Variants in NRXN3 observed in about 807,000 individuals in gnomAD.
NRXN3 encodes the protein neurexin III.
NRXN3 carries 32 observed loss-of-function variants against 137.6 expected under a neutral mutation model. The ratio of observed to expected loss-of-function variants is 0.23; its 90% CI spans 0.18 to 0.31. The LOEUF is 0.31. NRXN3 is among the 10% of genes least tolerant of loss of function. The probability of loss-of-function intolerance (pLI) is 1.00; values close to 1 mark genes in which losing one functional copy is unlikely to be tolerated. For synonymous variants in NRXN3, 798 were observed against 784.5 expected, an observed-to-expected ratio of 1.02 and a Z score of -0.29; for missense variants, 1,574 against 2,062.5, an observed-to-expected ratio of 0.76 and a Z score of 4.59.
At chr14:78,250,460 T>G (rs973910360) in intron 2 of NRXN3, among the ~76,000 whole-genome samples, 2 of 152,196 alleles carry the variant, frequency 1.3e-5, no homozygotes, top group Admixed American at 1.3e-4. Context: ...TATCCCAGTC[T>G]GAAAGGTGGT....
At chr14:79,561,756 G>C (rs1287822569) in intron 16 of NRXN3, among the ~76,000 whole-genome samples, 2 of 151,954 alleles carry the variant, frequency 1.3e-5, no homozygotes, top group Non-Finnish European at 2.9e-5. Context: ...CGCATAATTA[G>C]ATTTAGTGAA....
At chr14:78,985,608 A>G (rs1410218213) in intron 14 of NRXN3, among the ~76,000 whole-genome samples, 1 of 151,970 alleles carries the variant, frequency 6.6e-6, no homozygotes, top group Non-Finnish European at 1.5e-5. Flanking sequence ...TTTAGATTCA[A>G]TCAACATTCA....
chr14:79,755,903 GCTTTA>G (rs2099017772), intron 19 of NRXN3, among the ~76,000 whole-genome samples: 1 of 152,036 alleles, frequency 6.6e-6, no homozygotes, highest in African/African-American at 2.4e-5. Context: ...TCACATTTAA[GCTTTA>G]CTTAACAGTG....
chr14:78,912,671 A>G (rs985959717), intron 10 of NRXN3, among the ~76,000 whole-genome samples: 1 of 152,176 alleles, frequency 6.6e-6, no homozygotes, highest in African/African-American at 2.4e-5. Context: ...TACATCCTCC[A>G]TAAATACATA....
At chr14:79,088,397 A>G (rs978860919) in intron 15 of NRXN3, among the ~76,000 whole-genome samples, 6 of 149,770 alleles carry the variant, frequency 4.0e-5, no homozygotes, top group Non-Finnish European at 8.8e-5. Flanking sequence ...AGTTAGCAAC[A>G]TCATTCTAAA....
intron 15 of NRXN3, among the ~76,000 whole-genome samples, chr14:79,131,055 A>T (rs900905156): frequency 1.3e-5 from 2 of 152,008 alleles, no homozygotes; most frequent in Admixed American, 1.3e-4. Context: ...CTTCTCTGTA[A>T]TGGTTATTCT....
At chr14:78,762,790 A>G (rs1411527851) in intron 8 of NRXN3, among the ~76,000 whole-genome samples, 1 of 152,232 alleles carries the variant, frequency 6.6e-6, no homozygotes, top group African/African-American at 2.4e-5. Context: ...AGCTCTAATC[A>G]TAGTAATTAG....
intron 15 of NRXN3, among the ~76,000 whole-genome samples, chr14:79,450,079 TTC>T (rs1446440567): frequency 6.6e-6 from 1 of 151,692 alleles, no homozygotes; most frequent in South Asian, 2.1e-4. Context: ...CATATTCTCT[TTC>T]TCTCTCTCCC....
chr14:78,444,708 T>G (rs1048886141), intron 4 of NRXN3, among the ~76,000 whole-genome samples: 1 of 151,058 alleles, frequency 6.6e-6, no homozygotes, highest in African/African-American at 2.4e-5. Context: ...TGATCTGAGG[T>G]CAGGAGTTTG....
intron 20 of NRXN3, among the ~76,000 whole-genome samples, chr14:79,856,832 A>G (rs1331744094): frequency 1.3e-5 from 2 of 152,076 alleles, no homozygotes; most frequent in East Asian, 3.9e-4. Context: ...GCTAAAATAG[A>G]CCTTTTATAT....
intron 10 of NRXN3, among the ~76,000 whole-genome samples, chr14:78,840,728 A>G (rs147735774): frequency 3.3e-5 from 5 of 152,274 alleles, no homozygotes; most frequent in African/African-American, 1.2e-4. Context: ...GTGACACTTT[A>G]CTTTCACATT....
intron 15 of NRXN3, among the ~76,000 whole-genome samples, chr14:79,456,781 G>A (rs1425439214): frequency 6.6e-6 from 1 of 151,702 alleles, no homozygotes; most frequent in East Asian, 1.9e-4. Context: ...GAGAAGCAGA[G>A]GAGAGGAGAG....
At chr14:79,535,438 A>G (rs569416690) in intron 16 of NRXN3, among the ~76,000 whole-genome samples, 3 of 152,224 alleles carry the variant, frequency 2.0e-5, no homozygotes, top group Non-Finnish European at 4.4e-5. Context: ...CTCCAGAGTA[A>G]AAGGTTTGTG....
At chr14:78,964,252 G>A (rs17108429) in intron 11 of NRXN3, among the ~76,000 whole-genome samples, 22,218 of 152,186 alleles carry the variant, frequency 0.15, 2,127 homozygotes, top group East Asian at 0.45. Context: ...GAGGATGGAA[G>A]GCAAATATCA....
At chr14:78,319,984 G>A (rs2079136528) in intron 4 of NRXN3, among the ~76,000 whole-genome samples, 1 of 152,222 alleles carries the variant, frequency 6.6e-6, no homozygotes, top group Admixed American at 6.5e-5. Context: ...TGCTGCTGGA[G>A]GAACAGAAGT....
chr14:79,589,158 C>T (rs1035919892), intron 16 of NRXN3, among the ~76,000 whole-genome samples: 7 of 152,000 alleles, frequency 4.6e-5, no homozygotes, highest in Non-Finnish European at 1.0e-4. Flanking sequence ...GGGAGGCTGA[C>T]GTAGGAGGAT....
Position 78,937,105 on chromosome 14 carries a change from C to G in NRXN3, c.2276-20137C>G, listed in dbSNP as rs187380783. Among the ~76,000 whole-genome samples the G allele has an allele frequency of 4.3e-3, 649 of 150,802 alleles. 6 individuals carry two copies. Among genetic ancestry groups the G allele is most frequent in the African/African-American group, 0.015 (612 of 40,926 alleles). On this transcript the variant is annotated intron_variant, in intron 10 of 20. Coordinates refer to ENST00000335750, the MANE Select transcript of NRXN3 (RefSeq NM_001330195.2). The stretch of plus-strand genomic sequence containing the variant: ...GGTGTGGTGGCAGGCACCCGTAATC[C>G]CAGCTACTCGGGAGGCTGAGGCAGG...
At chr14:79,219,337 C>T (rs991097685) in intron 15 of NRXN3, among the ~76,000 whole-genome samples, 1 of 152,092 alleles carries the variant, frequency 6.6e-6, no homozygotes, top group African/African-American at 2.4e-5. Context: ...TGCTATGTTG[C>T]CCAGGCTGGT....
intron 15 of NRXN3, among the ~76,000 whole-genome samples, chr14:79,073,653 A>G (rs2099691311): frequency 6.6e-6 from 1 of 152,082 alleles, no homozygotes; most frequent in African/African-American, 2.4e-5. Context: ...TCCCTTTGCA[A>G]CTGTTCCCAG....
Sources: allele counts gnomAD v4.1 joint callset (sites outside exome capture counted in the v4.1 genomes callset), GRCh38; gene constraint gnomAD v4.1.1; transcripts MANE v1.5; gene names NCBI Gene and HGNC (gene_info 2026-07-23, HGNC 2026-07-21).